Variants in NPAP1 observed in about 807,000 individuals in gnomAD.
The protein encoded by NPAP1 is nuclear pore associated protein 1.
For missense variants in NPAP1, 1,483 were observed against 1,454.5 expected (o/e 1.02, Z -0.32); for synonymous variants, 616 against 581.4 (o/e 1.06, Z -0.86).
rs930672709 is a variant in NPAP1 at position 24,681,668 on chromosome 15, T to C, written c.*2330T>C. The C allele has an allele frequency of 1.2e-5, 2 of 167,208 alleles. No individual in the cohort carries two copies. The highest frequency in any genetic ancestry group is 3.9e-4 in the East Asian group (2 of 5,170). The allele number at this position is 167,208 out of a possible 1,614,324, so 10.4% of individuals were successfully genotyped here. A position where few individuals can be genotyped will look rare whatever the true frequency, so the allele number is the denominator to read the frequency against. ...CCTCACAAGAAACAGAATTTGTCTT[T>C]ATCTTGGACTTCCTAACCTTTAGAA... On this transcript the variant is annotated 3_prime_UTR_variant, in exon 1 of 1. Transcript: ENST00000329468.
rs115137023 is a variant in NPAP1 at position 24,680,403 on chromosome 15, G to A, written c.*1065G>A. 0.023 allele frequency: 3,772 copies of A among 167,196 alleles called. 154 individuals are homozygous for A. The highest frequency in any genetic ancestry group is 0.086 in the African/African-American group (3,582 of 41,528). 10.4% of individuals were successfully genotyped at this position (167,196 alleles called of 1,614,324 possible). On this transcript the variant is annotated 3_prime_UTR_variant, in exon 1 of 1. Coordinates refer to ENST00000329468, the MANE Select transcript of NPAP1 (RefSeq NM_018958.3). ...ACTAGTGACACTTGTACCTGCCAAG[G>A]CCTTCATAGGAGCCACCAACTCATT... is the stretch of plus-strand genomic sequence containing the variant.
Position 24,678,325 on chromosome 15 carries a change from A to G in NPAP1, c.2458A>G (p.Ile820Val), listed in dbSNP as rs1450508394. 2.5e-6 allele frequency: 4 copies of G among 1,613,892 alleles called. No homozygotes were observed. The African/African-American group carries it at 5.3e-5, about 22-fold the overall frequency. The change falls in exon 1 of 1, where the codon ATT (isoleucine) becomes GTT (valine). Residue 820 changes from isoleucine (I) to valine (V), a missense_variant. Coordinates refer to ENST00000329468, the MANE Select transcript of NPAP1 (RefSeq NM_018958.3). ...TGCAGCATCGTTATCCAAGCCTGCC[A>G]TTGACACCAGTGACATGAATACCAC... ...ASAASLSKPA[I>V]DTSDMNTTPP...
rs1327395063 is a variant in NPAP1, at chr15:24,678,754, C to A, written c.2887C>A (p.Pro963Thr). 1 of 1,614,206 alleles carries A rather than the reference C, an allele frequency of 6.2e-7. No individual in the cohort carries two copies. The highest frequency in any genetic ancestry group is 1.3e-5 in the African/African-American group (1 of 75,046). The change falls in exon 1 of 1, where the codon CCA becomes ACA. Residue 963 changes from proline to threonine, a missense_variant. Coordinates refer to ENST00000329468, the MANE Select transcript of NPAP1 (RefSeq NM_018958.3). ...ATTGGGCACACCTGTTAATGCTGAG[C>A]CAGTCGAGGGTCACAATGCAAGTGC... ...TALGTPVNAE[P>T]VEGHNASAFP...
In NPAP1 at chr15:24,681,490, G is replaced by T. The variant is rs1348657660; in HGVS notation, c.*2152G>T. On this transcript the variant is annotated 3_prime_UTR_variant, in exon 1 of 1. Transcript: ENST00000329468. ...CAGTGTGATGGTATTAGGAGGTGAG[G>T]CTTTGGGGAGGTGATTAGGTTTAGA... 1 of 166,548 alleles carries T rather than the reference G, an allele frequency of 6.0e-6. No homozygotes were observed. The highest frequency in any genetic ancestry group is 1.5e-5 in the Non-Finnish European group (1 of 68,112). 10.3% of individuals were successfully genotyped at this position (166,548 alleles called of 1,614,324 possible). A position where few individuals can be genotyped will look rare whatever the true frequency, so the allele number is the denominator to read the frequency against.
chr15:24,678,739 C>T lies in NPAP1; in HGVS notation c.2872C>T (p.Pro958Ser), dbSNP rs1460433136. The change falls in exon 1 of 1, where the codon CCT (proline) becomes TCT (serine). Residue 958 changes from proline to serine, a missense_variant. Coordinates refer to ENST00000329468, the MANE Select transcript of NPAP1 (RefSeq NM_018958.3). ...ATCACCATATACTGCATTGGGCACA[C>T]CTGTTAATGCTGAGCCAGTCGAGGG... ...LTSPYTALGT[P>S]VNAEPVEGHN... 1 of 1,614,198 alleles carries T rather than the reference C, an allele frequency of 6.2e-7. No individual in the cohort carries two copies. Among genetic ancestry groups the T allele is most frequent in the Admixed American group, 1.7e-5 (1 of 60,022 alleles).
Position 24,679,298 on chromosome 15 carries a change from A to G in NPAP1, c.3431A>G (p.Glu1144Gly), listed in dbSNP as rs2141314550. ...TCAAGCACCCACTACTATGGACAAG[A>G]AACATATGTTAGGAGACATGTCTGT... ...YTSSTHYYGQ[E>G]TYVRRHVCFQ... is the part of the protein sequence containing the mutation. The change falls in exon 1 of 1, where the codon GAA (glutamate) becomes GGA (glycine). Residue 1144 changes from glutamate (E) to glycine (G), a missense_variant. By Grantham distance (98) the Glu-to-Gly change is moderately conservative. Coordinates refer to ENST00000329468, the MANE Select transcript of NPAP1 (RefSeq NM_018958.3). 3 of 1,613,824 alleles carry G rather than the reference A, an allele frequency of 1.9e-6. No individual in the cohort carries two copies. The highest frequency in any genetic ancestry group is 2.5e-6 in the Non-Finnish European group (3 of 1,179,926).
rs2141313817 is a variant in NPAP1, at chr15:24,678,963, A to G, written c.3096A>G (p.Thr1032=). 1.2e-6 allele frequency: 2 copies of G among 1,614,152 alleles called. No individual in the cohort carries two copies. The highest frequency in any genetic ancestry group is 1.1e-5 in the South Asian group (1 of 91,088). ...TGTCTGCCCCAGGCCCCAGTTCCAC[A>G]TCAGGAGAACTCAACATTGGACAAG... The part of the protein sequence containing the change: ...FSMSAPGPSS[T]SGELNIGQGQ... The change falls in exon 1 of 1, where the codon ACA becomes ACG. Residue 1032 remains threonine, a synonymous_variant. Coordinates refer to ENST00000329468, the MANE Select transcript of NPAP1 (RefSeq NM_018958.3).
rs765691419 is a variant in NPAP1 at position 24,677,784 on chromosome 15, T to C, written c.1917T>C (p.Phe639=). 4 of 1,614,010 alleles carry C rather than the reference T, an allele frequency of 2.5e-6. No individual in the cohort carries two copies. Among genetic ancestry groups the C allele is most frequent in the Non-Finnish European group, 2.5e-6 (3 of 1,180,030 alleles). The change falls in exon 1 of 1, where the codon TTT becomes TTC. Residue 639 remains phenylalanine, a synonymous_variant. Transcript: ENST00000329468. ...HNTTPSFNQL[F]GKEATPQPKF... is the part of the protein sequence containing the mutation. ...CCACCCCAAGTTTTAACCAACTCTT[T>C]GGAAAAGAAGCCACCCCTCAGCCCA...
At position 24,679,531 on chromosome 15, in the gene NPAP1, G is replaced by T; in HGVS notation, c.*193G>T. Reference sequence around the variant, plus strand: ...TCCCTTTCTCTGTCAGTACACATGGGTCCCACCTGGACAAAACACAGGTGG... The same window carrying T: ...TCCCTTTCTCTGTCAGTACACATGGTTCCCACCTGGACAAAACACAGGTGG... On this transcript the variant is annotated 3_prime_UTR_variant, in exon 1 of 1. Transcript: ENST00000329468. 1.7e-6 allele frequency: 1 copy of T among 604,756 alleles called. No homozygotes were observed. Among genetic ancestry groups the T allele is most frequent in the Non-Finnish European group, 3.0e-6 (1 of 332,540 alleles). 37.5% of individuals were successfully genotyped at this position (604,756 alleles called of 1,614,324 possible).
In NPAP1 at chr15:24,677,696, A is replaced by T. The variant is rs2141310923; in HGVS notation, c.1829A>T (p.Glu610Val). The T allele has an allele frequency of 6.2e-7, 1 of 1,614,164 alleles. No homozygotes were observed. Among genetic ancestry groups the T allele is most frequent in the Non-Finnish European group, 8.5e-7 (1 of 1,180,040 alleles). The change falls in exon 1 of 1, where the codon GAG becomes GTG. Residue 610 changes from glutamate to valine, a missense_variant. Transcript: ENST00000329468. ...AATTCCCAAATACATTGCAGTGCAG[A>T]GCAGAGGCACCCGGGAAAGACATCA... is the stretch of plus-strand genomic sequence containing the variant. ...LPNSQIHCSAEQRHPGKTSVY... is the reference protein window; with the variant it reads ...LPNSQIHCSAVQRHPGKTSVY...
rs1295575168 is a variant in NPAP1 at position 24,677,644 on chromosome 15, C to G, written c.1777C>G (p.Leu593Val). 8.1e-6 allele frequency: 13 copies of G among 1,614,162 alleles called. No homozygotes were observed. The highest frequency in any genetic ancestry group is 1.1e-5 in the Non-Finnish European group (13 of 1,180,012). The change falls in exon 1 of 1, where the codon CTA becomes GTA. Residue 593 changes from leucine (L) to valine (V), a missense_variant. Transcript: ENST00000329468. ...PSQVVIFTSS[L>V]SSRVSSLPNS... ...TCAGGTTGTTATTTTCACATCTTCC[C>G]TAAGCTCCAGAGTGAGCTCTCTCCC...
rs769940915 is a variant in NPAP1, at chr15:24,679,302, A to G, written c.3435A>G (p.Thr1145=). Residue 1145 remains threonine (T), a synonymous_variant, in exon 1 of 1, where the codon ACA becomes ACG. Coordinates refer to ENST00000329468, the MANE Select transcript of NPAP1 (RefSeq NM_018958.3). The part of the protein sequence containing the change: ...TSSTHYYGQE[T]YVRRHVCFQL... The stretch of plus-strand genomic sequence containing the variant: ...GCACCCACTACTATGGACAAGAAAC[A>G]TATGTTAGGAGACATGTCTGTTTCC... 2 of 1,613,750 alleles carry G rather than the reference A, an allele frequency of 1.2e-6. No individual in the cohort carries two copies. Among genetic ancestry groups the G allele is most frequent in the Non-Finnish European group, 1.7e-6 (2 of 1,179,914 alleles).
In NPAP1 at chr15:24,680,366, T is replaced by C. The variant is rs2049009412; in HGVS notation, c.*1028T>C. The C allele has an allele frequency of 6.0e-6, 1 of 167,140 alleles. No homozygotes were observed. Among genetic ancestry groups the C allele is most frequent in the Admixed American group, 6.5e-5 (1 of 15,282 alleles). 10.4% of individuals were successfully genotyped at this position (167,140 alleles called of 1,614,324 possible). On this transcript the variant is annotated 3_prime_UTR_variant, in exon 1 of 1. Transcript: ENST00000329468. ...CTGGTCAGAGCACCTGTGCCTGTGA[T>C]GGAAAGCAGCCACTAGTGACACTTG... is the stretch of plus-strand genomic sequence containing the variant.
chr15:24,677,079 T>C lies in NPAP1; in HGVS notation c.1212T>C (p.Pro404=), dbSNP rs752712175. The part of the protein sequence containing the change: ...ITQPAPSFSQ[P]VQTTDSLPLT... Reference sequence around the variant, plus strand: ...AGCCTGCCCCTTCTTTCTCCCAACCTGTGCAGACCACAGACTCCCTGCCCC... The same window carrying C: ...AGCCTGCCCCTTCTTTCTCCCAACCCGTGCAGACCACAGACTCCCTGCCCC... The change falls in exon 1 of 1, where the codon CCT becomes CCC. Residue 404 remains proline (P), a synonymous_variant. Coordinates refer to ENST00000329468, the MANE Select transcript of NPAP1 (RefSeq NM_018958.3). The C allele has an allele frequency of 1.2e-6, 2 of 1,614,096 alleles. No homozygotes were observed. The highest frequency in any genetic ancestry group is 2.2e-5 in the South Asian group (2 of 91,080).
In NPAP1 at chr15:24,676,877, C is replaced by T. The variant is rs1195117251; in HGVS notation, c.1010C>T (p.Pro337Leu). Residue 337 changes from proline to leucine, a missense_variant, in exon 1 of 1, where the codon CCG becomes CTG. Coordinates refer to ENST00000329468, the MANE Select transcript of NPAP1 (RefSeq NM_018958.3). ...KRKMSIPLLL[P>L]LPPSLPLLWD... ...AAAATGTCGATTCCATTGCTGCTGC[C>T]GCTGCCCCCTTCACTGCCATTGCTG... The T allele has an allele frequency of 6.2e-7, 1 of 1,613,410 alleles. No homozygotes were observed. Among genetic ancestry groups the T allele is most frequent in the Non-Finnish European group, 8.5e-7 (1 of 1,180,022 alleles).
In NPAP1 at chr15:24,679,184, G is replaced by A. The variant is rs866421837; in HGVS notation, c.3317G>A (p.Gly1106Asp). Residue 1106 changes from glycine (G) to aspartate (D), a missense_variant, in exon 1 of 1, where the codon GGC (glycine) becomes GAC (aspartate). Physicochemically the swap from Gly to Asp is moderately conservative, Grantham distance 94. Coordinates refer to ENST00000329468, the MANE Select transcript of NPAP1 (RefSeq NM_018958.3). The stretch of plus-strand genomic sequence containing the variant: ...TCATGCAGTGGTATGGGAGGGGATG[G>A]CACCAGATCCATAGTTGGAGGCCCT... ...QNSCSGMGGD[G>D]TRSIVGGPCV... 1 of 1,614,188 alleles carries A rather than the reference G, an allele frequency of 6.2e-7. No individual in the cohort carries two copies. Among genetic ancestry groups the A allele is most frequent in the Admixed American group, 1.7e-5 (1 of 60,026 alleles).
In NPAP1 at chr15:24,679,504, G is replaced by A; in HGVS notation, c.*166G>A. The A allele has an allele frequency of 1.6e-6, 1 of 628,390 alleles. No individual in the cohort carries two copies. The highest frequency in any genetic ancestry group is 2.9e-6 in the Non-Finnish European group (1 of 348,928). 38.9% of individuals were successfully genotyped at this position (628,390 alleles called of 1,614,324 possible). On this transcript the variant is annotated 3_prime_UTR_variant, in exon 1 of 1. Transcript: ENST00000329468. The stretch of plus-strand genomic sequence containing the variant: ...CAGGAGGGGACAACAACATCCCTGT[G>A]CTCCCTTTCTCTGTCAGTACACATG...
At position 24,675,789 on chromosome 15, in the gene NPAP1, C is replaced by T. The variant is rs948742388; in HGVS notation, c.-79C>T. 3.8e-6 allele frequency: 4 copies of T among 1,059,142 alleles called. No individual in the cohort carries two copies. The highest frequency in any genetic ancestry group is 2.6e-6 in the Non-Finnish European group (2 of 766,444). 65.6% of individuals were successfully genotyped at this position (1,059,142 alleles called of 1,614,324 possible). A position where few individuals can be genotyped will look rare whatever the true frequency, so the allele number is the denominator to read the frequency against. ...TAGAGCCAGTCAGTTTGTGCTTGGTCGCCAGAGGAGGCGGTGGCTGAGGAG... is the reference window on the plus strand; with the variant it reads ...TAGAGCCAGTCAGTTTGTGCTTGGTTGCCAGAGGAGGCGGTGGCTGAGGAG... On this transcript the variant is annotated 5_prime_UTR_variant, in exon 1 of 1. Transcript: ENST00000329468.
rs1171644206 is a variant in NPAP1, at chr15:24,678,176, C to A, written c.2309C>A (p.Pro770His). Residue 770 changes from proline (P) to histidine (H), a missense_variant, in exon 1 of 1, where the codon CCT (proline) becomes CAT (histidine). Physicochemically the swap from Pro to His is moderately conservative, Grantham distance 77. Transcript: ENST00000329468. ...SNHPLNPGATPQPKFGAPDGP... is the reference protein window; with the variant it reads ...SNHPLNPGATHQPKFGAPDGP... ...CATCCTTTAAATCCAGGAGCCACCCCTCAACCCAAATTTGGGGCCCCTGAT... is the reference window on the plus strand; with the variant it reads ...CATCCTTTAAATCCAGGAGCCACCCATCAACCCAAATTTGGGGCCCCTGAT... The A allele has an allele frequency of 6.2e-7, 1 of 1,613,578 alleles. No homozygotes were observed. The highest frequency in any genetic ancestry group is 1.3e-5 in the African/African-American group (1 of 74,744).
Sources: allele counts gnomAD v4.1 joint callset, GRCh38; gene constraint gnomAD v4.1.1; transcripts MANE v1.5; gene names NCBI Gene and HGNC (gene_info 2026-07-23, HGNC 2026-07-21).